MADD: variants seen among roughly 807,000 people sequenced by gnomAD.
MADD encodes MAP kinase-activating death domain protein.
In MADD, 109 loss-of-function variants were observed where a neutral mutation model predicts 176.7. That is an observed-to-expected ratio of 0.62 (90% CI 0.53 to 0.72). The LOEUF (loss-of-function observed/expected upper bound fraction) is 0.72, where lower values mean the gene tolerates loss of function less well. Ranked by LOEUF, MADD falls within the 30% of genes least tolerant of loss-of-function variation. MADD has a pLI of 0.00. For synonymous variants in MADD, 771 were observed against 771.3 expected (o/e 1.00, Z 0.01); for missense variants, 1,914 against 2,045.5 (o/e 0.94, Z 1.24).
chr11:47,306,313 A>G (rs560936994), intron 22 of MADD, among the ~76,000 whole-genome samples: 6 of 152,276 alleles, frequency 3.9e-5, no homozygotes, highest in African/African-American at 1.2e-4. Context: ...GCTTAGCCTC[A>G]GGAATGAAGG....
intron 28 of MADD, 27 bp downstream of exon 31, chr11:47,323,862 G>C (rs1202671896): frequency 1.2e-6 from 2 of 1,606,184 alleles, no homozygotes; most frequent in Admixed American, 1.7e-5. Context: ...TTTGGGTTGG[G>C]GCTAGTAGGC....
chr11:47,282,523 T>C lies in MADD; in HGVS notation c.1612T>C (p.Phe538Leu), dbSNP rs1395748222. The C allele has an allele frequency of 3.1e-6, 5 of 1,614,036 alleles. No individual in the cohort carries two copies. Among genetic ancestry groups the C allele is most frequent in the Non-Finnish European group, 4.2e-6 (5 of 1,180,040 alleles). The stretch of plus-strand genomic sequence containing the variant: ...AGCCTCACGTCCCCGGCAGACTCCT[T>C]TTGCCGAGAAATTGGCCAGGACTCA... Residue 538 changes from phenylalanine (F) to leucine (L), a missense_variant, in exon 9 of 33, where the codon TTT becomes CTT. This residue lies in a region of MADD where 1,767 missense variants were observed against 1,836.0 expected (regional missense o/e 0.96). Coordinates refer to ENST00000402192, the Ensembl canonical transcript of MADD.
intron 22 of MADD, among the ~76,000 whole-genome samples, chr11:47,299,380 T>C (rs77519762): frequency 1.4e-3 from 210 of 152,122 alleles, no homozygotes; most frequent in African/African-American, 4.9e-3. Context: ...TTTTACCTCC[T>C]TCATAAAAGA....
chr11:47,315,910 C>T (rs371938498), intron 27 of MADD, among the ~76,000 whole-genome samples: 1 of 150,776 alleles, frequency 6.6e-6, no homozygotes, highest in Non-Finnish European at 1.5e-5. Flanking sequence ...TGGCTCACTG[C>T]AGCCTCCACC....
intron 28 of MADD, 28 bp from the exon 32 acceptor site, chr11:47,324,237 A>G: frequency 1.2e-6 from 2 of 1,610,028 alleles, no homozygotes; most frequent in Non-Finnish European, 1.7e-6. Flanking sequence ...AGCCCTCATG[A>G]TGGGACCACT....
intron 19 of MADD, 78 bp from the exon 21 acceptor site, chr11:47,292,465 G>A (rs530771406): frequency 6.9e-6 from 9 of 1,296,826 alleles, no homozygotes; most frequent in African/African-American, 5.8e-5. Context: ...GACTTGGGTG[G>A]GTGGGTTTCC....
Position 47,300,206 on chromosome 11 carries a change from C to CTT in MADD, c.3642+4168_3642+4169dup, listed in dbSNP as rs777080143. On this transcript the variant is annotated intron_variant, in intron 22 of 32. Transcript: ENST00000402192. ...TGAGGCTTTCTTTTCTTTTTTCTTTCTTTTTTTTTTTTTTTTTTAAGACGG... is the reference window on the plus strand; with the variant it reads ...TGAGGCTTTCTTTTCTTTTTTCTTTCTTTTTTTTTTTTTTTTTTTTAAGACGG... Among the ~76,000 whole-genome samples the CTT allele has an allele frequency of 3.1e-3, 409 of 130,360 alleles. 1 individual carries two copies. The highest frequency in any genetic ancestry group is 5.2e-3 in the Non-Finnish European group (311 of 60,234). 85.5% of individuals were successfully genotyped at this position (130,360 alleles called of 152,430 possible). A position where few individuals can be genotyped will look rare whatever the true frequency, so the allele number is the denominator to read the frequency against.
intron 1 of MADD, 117 bp from the exon 2 acceptor site, chr11:47,273,710 A>G (rs752106783): frequency 4.5e-5 from 23 of 516,680 alleles, no homozygotes; most frequent in Admixed American, 1.2e-4. Flanking sequence ...AAGTTCTCCT[A>G]TCATTAGTAT....
chr11:47,285,715 C>T, intron 14 of MADD, 125 bp downstream of exon 14: 3 of 1,333,902 alleles, frequency 2.2e-6, no homozygotes, highest in Non-Finnish European at 3.1e-6. Flanking sequence ...AGCCCTAATC[C>T]AGTCATTTGG....
At chr11:47,277,214 T>C (rs775862993) in intron 5 of MADD, among the ~76,000 whole-genome samples, 25 of 152,248 alleles carry the variant, frequency 1.6e-4, no homozygotes, top group Non-Finnish European at 3.1e-4. Flanking sequence ...CTTTGTTTTT[T>C]TCTATACATA....
In MADD at chr11:47,278,182, C is replaced by T. The variant is rs1489685288; in HGVS notation, c.1113C>T (p.Thr371=). Residue 371 remains threonine (T), a synonymous_variant, in exon 6 of 33, where the codon ACC becomes ACT. Transcript: ENST00000402192. Reference sequence around the variant, plus strand: ...TTCCACAGCTGCTGTTGGCTCCAACCCCGTACATCATTGGGGTTCCTGCCA... The same window carrying T: ...TTCCACAGCTGCTGTTGGCTCCAACTCCGTACATCATTGGGGTTCCTGCCA... The T allele has an allele frequency of 6.2e-6, 10 of 1,613,726 alleles. No individual in the cohort carries two copies. Among genetic ancestry groups the T allele is most frequent in the Non-Finnish European group, 8.5e-6 (10 of 1,179,828 alleles).
intron 6 of MADD, among the ~76,000 whole-genome samples, chr11:47,278,759 G>GA (rs1410474123): frequency 2.0e-5 from 3 of 151,954 alleles, no homozygotes; most frequent in Non-Finnish European, 4.4e-5. Flanking sequence ...TAAAATAAGT[G>GA]AAAAGAAAAA....
chr11:47,328,576 G>A (rs1199325984), intron 31 of MADD, 82 bp from the exon 36 acceptor site: 24 of 1,596,970 alleles, frequency 1.5e-5, no homozygotes, highest in Non-Finnish European at 1.8e-5. Context: ...CCCTGACGCC[G>A]GGCGCTGCCG....
At chr11:47,327,409 C>T (rs1373852339) in intron 31 of MADD, 1 of 985,292 alleles carries the variant, frequency 1.0e-6, no homozygotes, top group African/African-American at 1.7e-5. Context: ...TTTTGTGCCC[C>T]TCATCGCTGC....
At position 47,296,043 on chromosome 11, in the gene MADD, A is replaced by T. The variant is rs769035157; in HGVS notation, c.3630A>T (p.Thr1210=). 7.7e-5 allele frequency: 124 copies of T among 1,613,616 alleles called. 2 individuals carry two copies. In the South Asian group the frequency reaches 1.3e-3, roughly 17 times the overall value. ...GTGAAATTGAGACCAACTCTGCCAC[A>T]AGCACCATCTTTGTAAGCTTTGTTT... The change falls in exon 22 of 33, where the codon ACA becomes ACT. Residue 1210 remains threonine, a synonymous_variant. Transcript: ENST00000402192.
chr11:47,324,648 G>T, intron 30 of MADD, 71 bp downstream of exon 33: 2 of 1,032,622 alleles, frequency 1.9e-6, no homozygotes, highest in Non-Finnish European at 3.0e-6. Context: ...CAAGCCCCCA[G>T]TACTTCCCCA....
upstream of MADD, chr11:47,270,010 C>G (rs1356932838): frequency 1.3e-5 from 2 of 152,176 alleles, no homozygotes; most frequent in African/African-American, 4.8e-5. Context: ...CAGCCGCTGT[C>G]TCCCGAGGTC....
rs747218142 is a variant in MADD at position 47,289,014 on chromosome 11, C to T, written c.2654-377C>T. ...TGGAGATTGTTACTGAAGCCGGCCC[C>T]GGGAGTGGTGAAGGTGGGTCTTGCC... On this transcript the variant is annotated intron_variant, in intron 15 of 32. Transcript: ENST00000402192. 7.2e-5 allele frequency: 115 copies of T among 1,593,090 alleles called. 2 individuals carry two copies. The highest frequency in any genetic ancestry group is 5.2e-4 in the South Asian group (45 of 86,750).
Position 47,324,458 on chromosome 11 carries a change from T to C in MADD, c.4436-13T>C. 6.2e-7 allele frequency: 1 copy of C among 1,608,794 alleles called. No individual in the cohort carries two copies. The highest frequency in any genetic ancestry group is 1.7e-5 in the Admixed American group (1 of 60,008). ...CCTCACCAGTGAGCTGATAGCCCCC[T>C]CCCTCACCACAGGACCTGAATTGGG... is the stretch of plus-strand genomic sequence containing the variant. On this transcript the variant is annotated splice_polypyrimidine_tract_variant and intron_variant, in intron 29 of 32. Coordinates refer to ENST00000402192, the Ensembl canonical transcript of MADD.
Sources: allele counts gnomAD v4.1 joint callset (sites outside exome capture counted in the v4.1 genomes callset), GRCh38; gene constraint gnomAD v4.1.1; regional missense constraint gnomAD v4.1.1; transcripts MANE v1.5; gene names NCBI Gene and HGNC (gene_info 2026-07-23, HGNC 2026-07-21).